The following FNDC3A variants were observed in gnomAD, a reference collection of about 807,000 sequenced individuals.
FNDC3A encodes fibronectin type III domain containing 3A, also known as fibronectin type-III domain-containing protein 3A.
Under a neutral mutation model 148.9 loss-of-function variants are expected in FNDC3A, and 32 were observed. The observed-to-expected ratio is 0.21, with a 90% CI of 0.16 to 0.29. FNDC3A has a LOEUF of 0.29. FNDC3A is among the 10% of genes least tolerant of loss of function. The pLI, the probability that FNDC3A is intolerant of heterozygous loss-of-function variation, is 1.00. For synonymous variants in FNDC3A, 472 were observed against 473.6 expected, an observed-to-expected ratio of 1.00 and a Z score of 0.04; for missense variants, 1,191 against 1,452.8, an observed-to-expected ratio of 0.82 and a Z score of 2.93.
At chr13:49,161,974 C>A (rs1045171370) in intron 8 of FNDC3A, among the ~76,000 whole-genome samples, 1 of 152,204 alleles carries the variant, frequency 6.6e-6, no homozygotes, top group Admixed American at 6.5e-5. Flanking sequence ...GCCGAGAGAT[C>A]TGCTGTTAGT....
chr13:49,073,125 G>A (rs147541812), intron 2 of FNDC3A, among the ~76,000 whole-genome samples: 82 of 152,138 alleles, frequency 5.4e-4, no homozygotes, highest in African/African-American at 1.6e-3. Flanking sequence ...GTTAAATATA[G>A]AAGCAGTAGA....
At chr13:49,012,815 G>GTC (rs1304282719) in intron 2 of FNDC3A, among the ~76,000 whole-genome samples, 41 of 151,092 alleles carry the variant, frequency 2.7e-4, no homozygotes, top group African/African-American at 8.8e-4. Flanking sequence ...ATGTGTGTGT[G>GTC]TGTGTGTGTG....
chr13:49,047,200 T>G (rs1455043165), intron 2 of FNDC3A, among the ~76,000 whole-genome samples: 1 of 152,174 alleles, frequency 6.6e-6, no homozygotes, highest in Admixed American at 6.5e-5. Context: ...ATGCCACATT[T>G]TCTTTATTCA....
At chr13:49,140,696 C>CTTTA (rs1882640160) in intron 7 of FNDC3A, among the ~76,000 whole-genome samples, 1 of 152,086 alleles carries the variant, frequency 6.6e-6, no homozygotes, top group South Asian at 2.1e-4. Context: ...AGATGTTGTG[C>CTTTA]TAAAGCTGGA....
chr13:49,173,119 G>T (rs779795295), intron 11 of FNDC3A, among the ~76,000 whole-genome samples: 1 of 152,228 alleles, frequency 6.6e-6, no homozygotes, highest in Non-Finnish European at 1.5e-5. Context: ...CCCTTGGGCC[G>T]CAGGTTGGAC....
intron 1 of FNDC3A, among the ~76,000 whole-genome samples, chr13:48,979,593 G>A (rs2137541994): frequency 6.6e-6 from 1 of 152,196 alleles, no homozygotes; most frequent in South Asian, 2.1e-4. Flanking sequence ...GAGGAAAATA[G>A]GCAGAGCTGG....
chr13:49,062,819 T>A (rs1876990567), intron 2 of FNDC3A, among the ~76,000 whole-genome samples: 1 of 152,224 alleles, frequency 6.6e-6, no homozygotes, highest in Non-Finnish European at 1.5e-5. Context: ...GACTGTGATT[T>A]ATTTTTCTTC....
chr13:49,066,008 C>T (rs1186811902), intron 2 of FNDC3A, among the ~76,000 whole-genome samples: 1 of 152,084 alleles, frequency 6.6e-6, no homozygotes, highest in Admixed American at 6.5e-5. Context: ...TTTACTTATT[C>T]TCCTACTCAA....
intron 2 of FNDC3A, among the ~76,000 whole-genome samples, chr13:49,011,360 A>G (rs1044908635): frequency 2.6e-5 from 4 of 151,908 alleles, no homozygotes; most frequent in African/African-American, 7.3e-5. Context: ...CAGCCTCCCA[A>G]GTGGCGGAGA....
chr13:49,180,781 A>G (rs1204312467), intron 14 of FNDC3A, among the ~76,000 whole-genome samples: 2 of 152,054 alleles, frequency 1.3e-5, no homozygotes, highest in African/African-American at 2.4e-5. Flanking sequence ...TGTAATCCCA[A>G]CTACTCGGGA....
At chr13:49,007,095 T>G (rs541380638) in intron 2 of FNDC3A, among the ~76,000 whole-genome samples, 1 of 152,216 alleles carries the variant, frequency 6.6e-6, no homozygotes, top group African/African-American at 2.4e-5. Context: ...CTTAAATAAC[T>G]TGCTCAGCAT....
At chr13:49,078,075 C>T (rs1878234043) in intron 3 of FNDC3A, among the ~76,000 whole-genome samples, 1 of 152,150 alleles carries the variant, frequency 6.6e-6, no homozygotes, top group Non-Finnish European at 1.5e-5. Context: ...ATGGTGGGTA[C>T]ATTTTAACTA....
chr13:48,997,988 G>A (rs184633871), intron 1 of FNDC3A, among the ~76,000 whole-genome samples: 90 of 151,962 alleles, frequency 5.9e-4, no homozygotes, highest in Admixed American at 8.5e-4. Context: ...GAGAGCTGGA[G>A]AGAAAGCCTC....
Position 49,177,287 on chromosome 13 carries a change from G to T in FNDC3A, c.1531-1281G>T, listed in dbSNP as rs143904367. Among the ~76,000 whole-genome samples, 746 of 152,140 alleles carry T rather than the reference G, an allele frequency of 4.9e-3. 5 individuals carry two copies. The highest frequency in any genetic ancestry group is 0.017 in the African/African-American group (712 of 41,502). On this transcript the variant is annotated intron_variant, in intron 13 of 25. Coordinates refer to ENST00000492622, the MANE Select transcript of FNDC3A (RefSeq NM_001079673.2). ...AGCTCTAAAAGATGAGGAAATATTG[G>T]GTCTGCCTTTCTCTAACTGTATTTA...
At chr13:49,053,844 G>A (rs1453434157) in intron 2 of FNDC3A, among the ~76,000 whole-genome samples, 19 of 152,160 alleles carry the variant, frequency 1.2e-4, no homozygotes, top group Admixed American at 1.2e-3. Context: ...AGGGGAAGAA[G>A]ATTCTCTAGA....
chr13:49,113,238 TCTC>T (rs1880694668), intron 3 of FNDC3A, among the ~76,000 whole-genome samples: 1 of 151,436 alleles, frequency 6.6e-6, no homozygotes, highest in South Asian at 2.1e-4. Context: ...CTCTTGCCTT[TCTC>T]CTCTCCTTGC....
chr13:49,132,385 G>C (rs1052624169), intron 5 of FNDC3A, among the ~76,000 whole-genome samples: 1 of 152,110 alleles, frequency 6.6e-6, no homozygotes, highest in Non-Finnish European at 1.5e-5. Context: ...CCCTAGACTA[G>C]GGTTTCTCAA....
rs369294382 is a variant in FNDC3A at position 49,160,322 on chromosome 13, C to T, written c.978-6922C>T. On this transcript the variant is annotated intron_variant, in intron 8 of 25. Coordinates refer to ENST00000492622, the MANE Select transcript of FNDC3A (RefSeq NM_001079673.2). The stretch of plus-strand genomic sequence containing the variant: ...CCTGTTATTGGTCTATTCAGGGATT[C>T]GACTTCTTCCTGGTTTAGTCTTGGG... 7.9e-5 allele frequency among the ~76,000 whole-genome samples: 12 copies of T among 152,176 alleles called. No individual in the cohort carries two copies. In the East Asian group the frequency reaches 1.9e-3, roughly 24 times the overall value.
chr13:48,997,311 C>A (rs558799933), intron 1 of FNDC3A, among the ~76,000 whole-genome samples: 1 of 152,132 alleles, frequency 6.6e-6, no homozygotes, highest in Admixed American at 6.5e-5. Flanking sequence ...GTGGAATTAA[C>A]GGATATGAAT....
Sources: allele counts gnomAD v4.1 joint callset (sites outside exome capture counted in the v4.1 genomes callset), GRCh38; gene constraint gnomAD v4.1.1; transcripts MANE v1.5; gene names NCBI Gene and HGNC (gene_info 2026-07-23, HGNC 2026-07-21).